The following AGBL4 variants were observed in gnomAD, a reference collection of about 807,000 sequenced individuals.
AGBL4 encodes cytosolic carboxypeptidase 6.
AGBL4 carries 58 observed loss-of-function variants against 66.4 expected under a neutral mutation model. That is an observed-to-expected ratio of 0.87 (90% CI 0.71 to 1.09). AGBL4 has a LOEUF of 1.09. AGBL4 is among the 50% of genes least tolerant of loss of function. The pLI is 0.00. For missense variants in AGBL4, 579 were observed against 631.0 expected, an observed-to-expected ratio of 0.92 and a Z score of 0.88; for synonymous variants, 234 against 222.9, an observed-to-expected ratio of 1.05 and a Z score of -0.44.
In AGBL4 at chr1:49,844,339, C is replaced by T. The variant is rs12082546; in HGVS notation, c.157+7057G>A. Among the ~76,000 whole-genome samples the T allele has an allele frequency of 2.1e-3, 315 of 152,300 alleles. 4 individuals carry two copies. The highest frequency in any genetic ancestry group is 7.0e-3 in the African/African-American group (293 of 41,570). The stretch of plus-strand genomic sequence containing the variant: ...TCCTTCCAAGTCCAGTGCATCTGTG[C>T]ATCTGAGTGCTCTCTCCCTGGGCAT... On this transcript the variant is annotated intron_variant, in intron 2 of 13. Coordinates refer to ENST00000371839, the MANE Select transcript of AGBL4 (RefSeq NM_032785.4).
chr1:48,558,751 C>A (rs1458259562), intron 11 of AGBL4, among the ~76,000 whole-genome samples: 2 of 152,154 alleles, frequency 1.3e-5, no homozygotes, highest in African/African-American at 4.8e-5. Flanking sequence ...GATGCTGAGT[C>A]CTTAGATCCA....
At chr1:49,720,429 T>C (rs1648508781) in intron 2 of AGBL4, among the ~76,000 whole-genome samples, 1 of 152,136 alleles carries the variant, frequency 6.6e-6, no homozygotes, top group South Asian at 2.1e-4. Flanking sequence ...CTAGAAGAAG[T>C]TTTAAAAAGT....
At chr1:48,884,391 CTTT>C (rs74429434) in intron 5 of AGBL4, among the ~76,000 whole-genome samples, 1 of 145,920 alleles carries the variant, frequency 6.9e-6, no homozygotes. Flanking sequence ...AGAGCCTGGA[CTTT>C]TTTTTTTTTT....
intron 1 of AGBL4, among the ~76,000 whole-genome samples, chr1:49,878,543 G>T (rs1557540517): frequency 2.0e-5 from 3 of 152,042 alleles, no homozygotes; most frequent in African/African-American, 7.3e-5. Context: ...TATAATTTCT[G>T]TTCTTTTACA....
At chr1:49,183,062 T>C (rs1360441521) in intron 4 of AGBL4, among the ~76,000 whole-genome samples, 1 of 152,156 alleles carries the variant, frequency 6.6e-6, no homozygotes, top group Non-Finnish European at 1.5e-5. Flanking sequence ...CTAAAAAGTG[T>C]CAAATTCCTG....
intron 3 of AGBL4, among the ~76,000 whole-genome samples, chr1:49,575,246 T>C (rs1644413277): frequency 6.6e-6 from 1 of 152,286 alleles, no homozygotes; most frequent in East Asian, 1.9e-4. Flanking sequence ...GGAGGTCACA[T>C]AATTAATGGA....
At position 49,629,317 on chromosome 1, in the gene AGBL4, C is replaced by T. The variant is rs531925991; in HGVS notation, c.282+67996G>A. 2.0e-5 allele frequency among the ~76,000 whole-genome samples: 3 copies of T among 152,304 alleles called. No homozygotes were observed. The South Asian group carries it at 6.2e-4, about 32-fold the overall frequency. On this transcript the variant is annotated intron_variant, in intron 3 of 13. Coordinates refer to ENST00000371839, the MANE Select transcript of AGBL4 (RefSeq NM_032785.4). ...TTTAGAAATTTAGTGGTGTCACTAA[C>T]CTAAACCATTCCCCCAACATGGCAG...
At chr1:49,099,995 C>G (rs1645172062) in intron 4 of AGBL4, among the ~76,000 whole-genome samples, 2 of 152,106 alleles carry the variant, frequency 1.3e-5, no homozygotes, top group Admixed American at 6.6e-5. Flanking sequence ...CAGGGTCTGT[C>G]AGTCAAGGTC....
At chr1:48,546,104 T>TA (rs1553185283) in intron 11 of AGBL4, among the ~76,000 whole-genome samples, 2 of 152,210 alleles carry the variant, frequency 1.3e-5, no homozygotes, top group Admixed American at 6.5e-5. Context: ...CTATTTTTTT[T>TA]AGAGTTTACT....
chr1:49,021,306 T>TAA (rs1663228084), intron 5 of AGBL4, among the ~76,000 whole-genome samples: 9 of 152,106 alleles, frequency 5.9e-5, no homozygotes, highest in Non-Finnish European at 1.2e-4. Context: ...AATGATCACA[T>TAA]GAATTAAGAT....
chr1:49,392,280 T>C (rs751912437), intron 3 of AGBL4, among the ~76,000 whole-genome samples: 1 of 152,222 alleles, frequency 6.6e-6, no homozygotes, highest in Non-Finnish European at 1.5e-5. Context: ...ACATTTCCAT[T>C]ACTGTAGAAA....
At chr1:48,896,065 G>T (rs1651479009) in intron 5 of AGBL4, among the ~76,000 whole-genome samples, 1 of 152,168 alleles carries the variant, frequency 6.6e-6, no homozygotes, top group Admixed American at 6.5e-5. Context: ...ACTTCACAGG[G>T]TTCTTGTGAC....
intron 2 of AGBL4, among the ~76,000 whole-genome samples, chr1:49,731,608 A>T (rs1162490053): frequency 6.6e-6 from 1 of 152,186 alleles, no homozygotes; most frequent in Non-Finnish European, 1.5e-5. Flanking sequence ...TAAAAGTATA[A>T]GCAACAAAAG....
chr1:48,822,527 G>T (rs1646338364), intron 6 of AGBL4, among the ~76,000 whole-genome samples: 1 of 152,142 alleles, frequency 6.6e-6, no homozygotes, highest in Non-Finnish European at 1.5e-5. Flanking sequence ...TTGCATCTTT[G>T]TTCAAAATCA....
chr1:48,834,064 T>C (rs1329942151), intron 6 of AGBL4, among the ~76,000 whole-genome samples: 1 of 152,178 alleles, frequency 6.6e-6, no homozygotes, highest in East Asian at 1.9e-4. Context: ...TGGTATGTTT[T>C]GGACTTGCTC....
intron 3 of AGBL4, among the ~76,000 whole-genome samples, chr1:49,548,775 G>A (rs1406307279): frequency 6.6e-6 from 1 of 152,102 alleles, no homozygotes; most frequent in Non-Finnish European, 1.5e-5. Context: ...TGGTATTAGG[G>A]TGATGCTGGC....
At chr1:48,962,786 T>C (rs1013499119) in intron 5 of AGBL4, among the ~76,000 whole-genome samples, 6 of 152,158 alleles carry the variant, frequency 3.9e-5, no homozygotes, top group African/African-American at 1.4e-4. Context: ...AGAACATCCA[T>C]TTCTTCAATT....
intron 6 of AGBL4, among the ~76,000 whole-genome samples, chr1:48,728,373 CT>C (rs11344354): frequency 0.036 from 5,170 of 145,292 alleles, 186 homozygotes; most frequent in East Asian, 0.15. Context: ...GAACTTTTGC[CT>C]TTTTTTTTTT....
intron 4 of AGBL4, among the ~76,000 whole-genome samples, chr1:49,052,490 G>C (rs1340615869): frequency 6.6e-6 from 1 of 152,140 alleles, no homozygotes; most frequent in East Asian, 1.9e-4. Context: ...TTACTAAAAA[G>C]CATCCTGTAT....
Sources: allele counts gnomAD v4.1 joint callset (sites outside exome capture counted in the v4.1 genomes callset), GRCh38; gene constraint gnomAD v4.1.1; transcripts MANE v1.5; gene names NCBI Gene and HGNC (gene_info 2026-07-23, HGNC 2026-07-21).